Variants in TTC23L observed in about 807,000 individuals in gnomAD.
TTC23L encodes tetratricopeptide repeat domain 23 like, also known as tetratricopeptide repeat protein 23-like.
A neutral mutation model predicts 48.1 loss-of-function variants in TTC23L; 42 were observed. The observed-to-expected ratio is 0.87, with a 90% CI of 0.68 to 1.13. TTC23L has a LOEUF of 1.13. TTC23L is among the 50% of genes most tolerant of loss of function. The pLI is 0.00. For missense variants in TTC23L, 391 were observed against 421.0 expected, an observed-to-expected ratio of 0.93 and a Z score of 0.62; for synonymous variants, 159 against 157.2, an observed-to-expected ratio of 1.01 and a Z score of -0.09.
At chr5:34,877,027 G>T (rs1580466910) in intron 8 of TTC23L, among the ~76,000 whole-genome samples, 1 of 152,056 alleles carries the variant, frequency 6.6e-6, no homozygotes, top group Admixed American at 6.6e-5. Flanking sequence ...CAAAACTGCA[G>T]ATCAATACAT....
the TTC23L span, chr5:34,922,130 A>G: frequency 5.7e-6 from 4 of 700,912 alleles, no homozygotes; most frequent in Non-Finnish European, 9.4e-6. Flanking sequence ...TATTTTTGAG[A>G]TAATCTGGAT....
intron 9 of TTC23L, among the ~76,000 whole-genome samples, chr5:34,896,480 T>C (rs114966253): frequency 1.5e-3 from 228 of 152,298 alleles, no homozygotes; most frequent in African/African-American, 5.1e-3. Context: ...CTTAAGTCAC[T>C]TAAACATTGA....
chr5:34,884,440 A>G (rs1762423566), intron 9 of TTC23L, among the ~76,000 whole-genome samples: 1 of 152,128 alleles, frequency 6.6e-6, no homozygotes, highest in Non-Finnish European at 1.5e-5. Flanking sequence ...AGATAAATAA[A>G]AAACATCCAA....
chr5:34,882,661 T>C (rs193278989), intron 9 of TTC23L, among the ~76,000 whole-genome samples: 2 of 94,832 alleles, frequency 2.1e-5, no homozygotes, highest in South Asian at 5.1e-4. Context: ...ACACACACAA[T>C]ATCTTTTGAT....
intron 8 of TTC23L, among the ~76,000 whole-genome samples, chr5:34,878,765 T>A (rs1478227482): frequency 1.3e-5 from 2 of 152,172 alleles, no homozygotes; most frequent in Admixed American, 1.3e-4. Flanking sequence ...CAGTACAACC[T>A]CTATGGAAAA....
At chr5:34,869,845 C>T (rs1285420722) in intron 8 of TTC23L, 1 of 151,982 alleles carries the variant, frequency 6.6e-6, no homozygotes, top group African/African-American at 2.4e-5. Context: ...TTTCAGTTTG[C>T]AAAAGTTTTG....
chr5:34,919,911 A>G, the TTC23L span: 7 of 897,560 alleles, frequency 7.8e-6, no homozygotes, highest in Admixed American at 2.3e-5. Flanking sequence ...TTGCAACAAA[A>G]TATTTTTAAA....
chr5:34,899,692 C>G (rs1201744904), downstream of TTC23L, among the ~76,000 whole-genome samples: 2 of 152,146 alleles, frequency 1.3e-5, no homozygotes, highest in African/African-American at 4.8e-5. Context: ...AGATTGAGAC[C>G]ATCCTGGTCA....
chr5:34,888,507 A>G (rs1762669142), intron 9 of TTC23L: 1 of 985,070 alleles, frequency 1.0e-6, no homozygotes, highest in Non-Finnish European at 1.2e-6. Context: ...AGAAGTAGGG[A>G]GACAAAGAGC....
chr5:34,894,903 T>C (rs1293085190), intron 9 of TTC23L, among the ~76,000 whole-genome samples: 1 of 151,840 alleles, frequency 6.6e-6, no homozygotes, highest in East Asian at 1.9e-4. Flanking sequence ...ATGATGATGA[T>C]GATGATGATG....
intron 9 of TTC23L, chr5:34,888,478 A>T: frequency 5.1e-6 from 5 of 985,206 alleles, no homozygotes; most frequent in Non-Finnish European, 4.8e-6. Context: ...AAATCTTTGT[A>T]TATGGAGGTG....
At chr5:34,887,654 A>T (rs1762619845) in intron 9 of TTC23L, among the ~76,000 whole-genome samples, 2 of 152,212 alleles carry the variant, frequency 1.3e-5, no homozygotes, top group Non-Finnish European at 2.9e-5. Context: ...TGCCAATTTT[A>T]AGAATCAAGA....
chr5:34,858,209 T>C (rs1443040116), intron 4 of TTC23L, among the ~76,000 whole-genome samples: 1 of 152,284 alleles, frequency 6.6e-6, no homozygotes, highest in East Asian at 1.9e-4. Flanking sequence ...AGAAGGGTGG[T>C]ATCCTTGGCT....
intron 4 of TTC23L, 50 bp downstream of exon 4, chr5:34,850,358 A>G (rs1759573004): frequency 3.1e-6 from 5 of 1,609,806 alleles, no homozygotes; most frequent in Non-Finnish European, 4.2e-6. Flanking sequence ...TGAAGGCTGA[A>G]CTGACCCACA....
At chr5:34,846,667 ATGTGTGTG>A (rs869123650) in intron 3 of TTC23L, among the ~76,000 whole-genome samples, 32 of 66,340 alleles carry the variant, frequency 4.8e-4, no homozygotes, top group African/African-American at 1.2e-3. Context: ...ATATGTGTGT[ATGTGTGTG>A]TGTGTGTGTG....
intron 10 of TTC23L, among the ~76,000 whole-genome samples, chr5:34,897,827 G>A (rs1304704490): frequency 6.6e-6 from 1 of 152,164 alleles, no homozygotes; most frequent in Non-Finnish European, 1.5e-5. Flanking sequence ...GTTTGGTAAG[G>A]AATTTTGGCC....
intron 4 of TTC23L, among the ~76,000 whole-genome samples, chr5:34,854,126 A>G (rs543390213): frequency 6.6e-6 from 1 of 152,384 alleles, no homozygotes; most frequent in South Asian, 2.1e-4. Context: ...ACCACAAAAC[A>G]TGGTGATAAA....
At chr5:34,860,119 T>G (rs1760484055) in intron 4 of TTC23L, among the ~76,000 whole-genome samples, 1 of 152,136 alleles carries the variant, frequency 6.6e-6, no homozygotes, top group South Asian at 2.1e-4. Flanking sequence ...AGTGCTGGGA[T>G]TACAGGCGTG....
chr5:34,907,298 T>G, the TTC23L span: 3 of 151,872 alleles, frequency 2.0e-5, no homozygotes, highest in African/African-American at 7.3e-5. Flanking sequence ...TTGGGGGAGG[T>G]GGGGTGGTCA....
Sources: allele counts gnomAD v4.1 joint callset (sites outside exome capture counted in the v4.1 genomes callset), GRCh38; gene constraint gnomAD v4.1.1; transcripts MANE v1.5; gene names NCBI Gene and HGNC (gene_info 2026-07-23, HGNC 2026-07-21).